Variants in HCN1 observed in about 807,000 individuals in gnomAD.
HCN1 encodes the protein potassium/sodium hyperpolarization-activated cyclic nucleotide-gated channel 1.
HCN1 carries 13 observed loss-of-function variants against 78.9 expected under a neutral mutation model. The observed-to-expected ratio is 0.16, with a 90% CI of 0.11 to 0.26. The LOEUF is 0.26. Ranked by LOEUF, HCN1 falls within the 10% of genes least tolerant of loss-of-function variation. HCN1 has a pLI of 1.00. For missense variants in HCN1, 810 were observed against 1,154.3 expected, an observed-to-expected ratio of 0.70 and a Z score of 4.32; for synonymous variants, 552 against 455.5, an observed-to-expected ratio of 1.21 and a Z score of -2.70.
intron 6 of HCN1, among the ~76,000 whole-genome samples, chr5:45,280,110 A>C (rs62367522): frequency 0.15 from 23,462 of 152,158 alleles, 2,111 homozygotes; most frequent in Admixed American, 0.24. Context: ...TTTTTACAGC[A>C]TCAACTAAAA....
chr5:45,427,835 C>T (rs72762052), intron 3 of HCN1, among the ~76,000 whole-genome samples: 14,899 of 152,044 alleles, frequency 0.098, 1,018 homozygotes, highest in Middle Eastern at 0.2. Context: ...TATTCAGGTC[C>T]TTGCTCAACT....
chr5:45,339,168 A>C (rs188255129), intron 5 of HCN1, among the ~76,000 whole-genome samples: 3 of 152,264 alleles, frequency 2.0e-5, no homozygotes, highest in Admixed American at 2.0e-4. Flanking sequence ...TTACTCAGTA[A>C]ATATTTCATG....
intron 2 of HCN1, among the ~76,000 whole-genome samples, chr5:45,599,284 T>G (rs1322909429): frequency 6.6e-6 from 1 of 151,956 alleles, no homozygotes; most frequent in Non-Finnish European, 1.5e-5. Flanking sequence ...CTGGAAACCA[T>G]CATTCTCAGC....
At chr5:45,290,756 A>T (rs2111884247) in intron 6 of HCN1, among the ~76,000 whole-genome samples, 1 of 152,172 alleles carries the variant, frequency 6.6e-6, no homozygotes, top group African/African-American at 2.4e-5. Flanking sequence ...ATCTTTTACA[A>T]GTCTACAGTA....
chr5:45,294,862 G>A (rs1165518827), intron 6 of HCN1, among the ~76,000 whole-genome samples: 1 of 152,076 alleles, frequency 6.6e-6, no homozygotes, highest in African/African-American at 2.4e-5. Flanking sequence ...AGGTATTCTG[G>A]AAAGAACACA....
At chr5:45,396,435 A>C in intron 4 of HCN1, 57 bp downstream of exon 4, 1 of 1,359,032 alleles carries the variant, frequency 7.4e-7, no homozygotes, top group Non-Finnish European at 1.0e-6. Flanking sequence ...AACACAATTC[A>C]ATTTACTGGT....
chr5:45,448,886 A>G (rs1239799510), intron 3 of HCN1, among the ~76,000 whole-genome samples: 1 of 152,100 alleles, frequency 6.6e-6, no homozygotes, highest in East Asian at 1.9e-4. Context: ...GGCCGAGGCC[A>G]ATGGATCACT....
At chr5:45,445,335 G>A (rs2111580187) in intron 3 of HCN1, among the ~76,000 whole-genome samples, 1 of 152,282 alleles carries the variant, frequency 6.6e-6, no homozygotes, top group South Asian at 2.1e-4. Flanking sequence ...GCTAGGGGAG[G>A]GGCACCTGCC....
At chr5:45,684,840 TAACAAA>T (rs1739771865) in intron 1 of HCN1, among the ~76,000 whole-genome samples, 1 of 152,180 alleles carries the variant, frequency 6.6e-6, no homozygotes, top group Non-Finnish European at 1.5e-5. Context: ...CCACCCTGTG[TAACAAA>T]GCAAGACTCT....
At chr5:45,484,339 C>T (rs1357402210) in intron 2 of HCN1, among the ~76,000 whole-genome samples, 1 of 152,020 alleles carries the variant, frequency 6.6e-6, no homozygotes, top group Admixed American at 6.5e-5. Flanking sequence ...GAGGCTGGGG[C>T]AGCAGAATGG....
intron 2 of HCN1, chr5:45,558,991 C>G (rs1010308067): frequency 1.4e-5 from 2 of 147,954 alleles, no homozygotes; most frequent in African/African-American, 5.1e-5. Flanking sequence ...AAACTCCTGG[C>G]CTCAAATGGT....
intron 2 of HCN1, among the ~76,000 whole-genome samples, chr5:45,513,821 C>T (rs1742466461): frequency 6.6e-6 from 1 of 152,046 alleles, no homozygotes; most frequent in Non-Finnish European, 1.5e-5. Flanking sequence ...TGGCTATAGC[C>T]CCATTATCTA....
At chr5:45,557,907 T>C (rs567285560) in intron 2 of HCN1, 1 of 152,082 alleles carries the variant, frequency 6.6e-6, no homozygotes, top group South Asian at 2.1e-4. Flanking sequence ...TTAGGTCAAT[T>C]AATTACTCCA....
chr5:45,530,416 A>G (rs184032672), intron 2 of HCN1, among the ~76,000 whole-genome samples: 86 of 150,286 alleles, frequency 5.7e-4, no homozygotes, highest in Non-Finnish European at 8.9e-4. Context: ...GTGTTTTTAT[A>G]TATATATATA....
intron 3 of HCN1, among the ~76,000 whole-genome samples, chr5:45,426,005 G>C (rs971732556): frequency 1.2e-4 from 18 of 152,180 alleles, no homozygotes; most frequent in Non-Finnish European, 2.6e-4. Context: ...CTGTGGGAAT[G>C]AGAAGATAGG....
intron 5 of HCN1, among the ~76,000 whole-genome samples, chr5:45,317,971 T>C (rs1178608531): frequency 6.6e-6 from 1 of 152,218 alleles, no homozygotes; most frequent in Non-Finnish European, 1.5e-5. Flanking sequence ...TTGGTGGGAC[T>C]GTAAACTAGT....
chr5:45,640,524 C>T (rs532971181), intron 2 of HCN1, among the ~76,000 whole-genome samples: 2 of 151,122 alleles, frequency 1.3e-5, no homozygotes, highest in East Asian at 2.0e-4. Flanking sequence ...TTGACTGTCA[C>T]GATAGAGTGT....
At chr5:45,428,382 G>C (rs1378026335) in intron 3 of HCN1, among the ~76,000 whole-genome samples, 1 of 151,666 alleles carries the variant, frequency 6.6e-6, no homozygotes, top group Non-Finnish European at 1.5e-5. Flanking sequence ...TTTCTCTTGG[G>C]TCCTTACTTT....
intron 4 of HCN1, among the ~76,000 whole-genome samples, chr5:45,379,162 G>C (rs1404691210): frequency 6.6e-6 from 1 of 152,060 alleles, no homozygotes; most frequent in Non-Finnish European, 1.5e-5. Context: ...CGGTCAAATG[G>C]TATTTCTAGT....
Sources: gnomAD v4.1 joint callset for allele counts (sites outside exome capture counted in the v4.1 genomes callset) on GRCh38, gnomAD v4.1.1 for gene constraint, MANE v1.5 for transcripts, NCBI Gene and HGNC (gene_info 2026-07-23, HGNC 2026-07-21) for gene names.